CIRSR: variants seen among roughly 807,000 people sequenced by gnomAD.
CIRSR encodes corepressor of RBPJ and splicing regulator.
chr2:174,348,587 G>C, the CIRSR span: 1 of 1,614,070 alleles, frequency 6.2e-7, no homozygotes, highest in Admixed American at 1.7e-5. Context: ...CATGGCTTCT[G>C]CTGTCATTTC....
the CIRSR span, among the ~76,000 whole-genome samples, chr2:174,373,890 CAT>C: frequency 6.6e-6 from 1 of 151,696 alleles, no homozygotes; most frequent in Admixed American, 6.6e-5. Flanking sequence ...TACACACACA[CAT>C]ACACACACAC....
the CIRSR span, among the ~76,000 whole-genome samples, chr2:174,375,484 T>G: frequency 6.6e-6 from 1 of 152,094 alleles, no homozygotes. Context: ...GGCTTATGCC[T>G]GTGAGTCCCA....
the CIRSR span, among the ~76,000 whole-genome samples, chr2:174,382,515 T>C: frequency 6.6e-6 from 1 of 152,234 alleles, no homozygotes. Context: ...GCTGCGTGCC[T>C]GTAATCCCAG....
the CIRSR span, chr2:174,349,040 A>G: frequency 1.3e-6 from 2 of 1,597,676 alleles, no homozygotes; most frequent in Admixed American, 3.5e-5. Flanking sequence ...AAGTCTCAGT[A>G]GAGGAAGAGG....
the CIRSR span, among the ~76,000 whole-genome samples, chr2:174,376,525 C>T: frequency 3.3e-4 from 48 of 143,846 alleles, no homozygotes; most frequent in African/African-American, 8.8e-4. Flanking sequence ...GGGCCGGGCG[C>T]GGTGGCTCAC....
chr2:174,371,302 G>T, the CIRSR span, among the ~76,000 whole-genome samples: 1 of 152,130 alleles, frequency 6.6e-6, no homozygotes, highest in Non-Finnish European at 1.5e-5. Context: ...GTTGTTAAAA[G>T]AAAACAAACT....
At chr2:174,389,249 T>C in the CIRSR span, among the ~76,000 whole-genome samples, 1 of 152,208 alleles carries the variant, frequency 6.6e-6, no homozygotes, top group African/African-American at 2.4e-5. Flanking sequence ...CAGGAAGATG[T>C]GGGAAAGTAT....
At chr2:174,394,977 T>C in the CIRSR span, among the ~76,000 whole-genome samples, 1 of 152,242 alleles carries the variant, frequency 6.6e-6, no homozygotes, top group Non-Finnish European at 1.5e-5. Flanking sequence ...TAAAAGTGAC[T>C]GCTCGAATAA....
the CIRSR span, among the ~76,000 whole-genome samples, chr2:174,356,419 T>C: frequency 6.6e-6 from 1 of 151,740 alleles, no homozygotes; most frequent in African/African-American, 2.4e-5. Flanking sequence ...AGTGAGCCTG[T>C]GATCTCACCA....
At chr2:174,393,268 A>G in the CIRSR span, among the ~76,000 whole-genome samples, 1 of 152,130 alleles carries the variant, frequency 6.6e-6, no homozygotes, top group Non-Finnish European at 1.5e-5. Flanking sequence ...AAAATCAAGA[A>G]AAAAAAAGAA....
At chr2:174,365,748 T>A in the CIRSR span, among the ~76,000 whole-genome samples, 2 of 152,214 alleles carry the variant, frequency 1.3e-5, no homozygotes, top group Non-Finnish European at 2.9e-5. Context: ...CTTGTCCCCA[T>A]GATTCATTTA....
At chr2:174,354,456 TA>T in the CIRSR span, among the ~76,000 whole-genome samples, 2 of 94,808 alleles carry the variant, frequency 2.1e-5, no homozygotes, top group African/African-American at 4.8e-5. Flanking sequence ...TTATATAATA[TA>T]ATATATAAAA....
chr2:174,354,497 TTATATTA>T, the CIRSR span, among the ~76,000 whole-genome samples: 2 of 36,130 alleles, frequency 5.5e-5, no homozygotes, highest in East Asian at 3.3e-3. Flanking sequence ...ATTATATAAA[TTATATTA>T]TATATATCAT....
chr2:174,390,472 A>G, the CIRSR span, among the ~76,000 whole-genome samples: 2 of 152,192 alleles, frequency 1.3e-5, no homozygotes, highest in Non-Finnish European at 2.9e-5. Flanking sequence ...TTGATTTTAC[A>G]GGCTCATAGG....
the CIRSR span, among the ~76,000 whole-genome samples, chr2:174,367,323 T>C: frequency 6.6e-6 from 1 of 152,122 alleles, no homozygotes; most frequent in South Asian, 2.1e-4. Context: ...CTAACGCCTG[T>C]ATTCCCAGCA....
At chr2:174,356,215 C>A in the CIRSR span, among the ~76,000 whole-genome samples, 1 of 151,950 alleles carries the variant, frequency 6.6e-6, no homozygotes, top group Non-Finnish European at 1.5e-5. Flanking sequence ...CCTGTAGTCC[C>A]GGCACTTTGG....
chr2:174,351,393 C>T, the CIRSR span, among the ~76,000 whole-genome samples: 1 of 152,172 alleles, frequency 6.6e-6, no homozygotes, highest in African/African-American at 2.4e-5. Context: ...ATTTTATCCA[C>T]ATAAACTCAG....
chr2:174,368,157 G>A, the CIRSR span, among the ~76,000 whole-genome samples: 1 of 152,160 alleles, frequency 6.6e-6, no homozygotes, highest in Non-Finnish European at 1.5e-5. Context: ...ATCAGTAACT[G>A]ACAGATTCAG....
At chr2:174,391,819 T>C in the CIRSR span, among the ~76,000 whole-genome samples, 2 of 152,166 alleles carry the variant, frequency 1.3e-5, no homozygotes, top group Admixed American at 6.6e-5. Flanking sequence ...TGCCATACCA[T>C]GGATAAACTT....
Sources: allele counts gnomAD v4.1 joint callset (sites outside exome capture counted in the v4.1 genomes callset), GRCh38; gene constraint gnomAD v4.1.1; transcripts MANE v1.5; gene names NCBI Gene and HGNC (gene_info 2026-07-23, HGNC 2026-07-21).